SGCZ: variants seen among roughly 807,000 people sequenced by gnomAD.
SGCZ encodes the protein sarcoglycan zeta.
Under a neutral mutation model 41.3 loss-of-function variants are expected in SGCZ, and 40 were observed. The observed-to-expected ratio is 0.97, with a 90% CI of 0.75 to 1.26. SGCZ has a LOEUF of 1.26. Among genes scored for constraint, SGCZ ranks in the 50% most tolerant of loss-of-function variants. The pLI is 0.00. For synonymous variants in SGCZ, 206 were observed against 137.5 expected (o/e 1.50, Z -3.49); for missense variants, 552 against 369.8 (o/e 1.49, Z -4.04).
chr8:14,391,552 G>A (rs1804774835), intron 2 of SGCZ, among the ~76,000 whole-genome samples: 1 of 152,054 alleles, frequency 6.6e-6, no homozygotes, highest in Non-Finnish European at 1.5e-5. Flanking sequence ...TAGGAAGTGT[G>A]GCTAGAGGAG....
intron 2 of SGCZ, among the ~76,000 whole-genome samples, chr8:14,369,270 G>T (rs1272296493): frequency 1.3e-5 from 2 of 151,868 alleles, no homozygotes; most frequent in African/African-American, 4.8e-5. Flanking sequence ...TAATTGCCAT[G>T]TCTCTCCTTT....
intron 1 of SGCZ, among the ~76,000 whole-genome samples, chr8:15,023,867 C>T (rs1306370140): frequency 6.6e-6 from 1 of 152,132 alleles, no homozygotes; most frequent in East Asian, 1.9e-4. Flanking sequence ...TGACTGACTT[C>T]TTCTGTTTAT....
chr8:14,803,823 G>A (rs1405265735), intron 1 of SGCZ, among the ~76,000 whole-genome samples: 1 of 132,758 alleles, frequency 7.5e-6, no homozygotes, highest in East Asian at 2.4e-4. Context: ...AGACTTAAAT[G>A]TCCCTGTCTG....
chr8:14,151,961 G>T (rs1451242593), intron 5 of SGCZ, among the ~76,000 whole-genome samples: 1 of 151,968 alleles, frequency 6.6e-6, no homozygotes, highest in East Asian at 1.9e-4. Flanking sequence ...AGACTTTAAT[G>T]TAAAATATAA....
At chr8:14,998,873 G>C (rs148715789) in intron 1 of SGCZ, among the ~76,000 whole-genome samples, 1,590 of 152,252 alleles carry the variant, frequency 0.01, 31 homozygotes, top group African/African-American at 0.037. Flanking sequence ...CCTAGCTATT[G>C]ATATGGGTTA....
chr8:14,090,245 T>C lies in SGCZ; in HGVS notation c.*198A>G. Reference sequence around the variant, plus strand: ...CTGCTGACGACGCTTTTTCCACTGCTGTGTCAATCACACCCTCTGTGTTGA... The same window carrying C: ...CTGCTGACGACGCTTTTTCCACTGCCGTGTCAATCACACCCTCTGTGTTGA... On this transcript the variant is annotated 3_prime_UTR_variant, in exon 8 of 8. Transcript: ENST00000382080. 1 of 453,670 alleles carries C rather than the reference T, an allele frequency of 2.2e-6. No homozygotes were observed. The highest frequency in any genetic ancestry group is 3.8e-6 in the Non-Finnish European group (1 of 264,882). 28.1% of individuals were successfully genotyped at this position (453,670 alleles called of 1,614,324 possible). A position where few individuals can be genotyped will look rare whatever the true frequency, so the allele number is the denominator to read the frequency against.
At chr8:14,776,002 G>A (rs150812400) in intron 1 of SGCZ, among the ~76,000 whole-genome samples, 15 of 151,986 alleles carry the variant, frequency 9.9e-5, no homozygotes, top group South Asian at 2.1e-4. Flanking sequence ...ACACAGAAAC[G>A]TCATCACATG....
intron 4 of SGCZ, among the ~76,000 whole-genome samples, chr8:14,199,411 C>A (rs1805383183): frequency 1.3e-5 from 2 of 152,158 alleles, no homozygotes; most frequent in African/African-American, 4.8e-5. Context: ...CCCGAAACTT[C>A]ATTAGTAATT....
rs577876710 is a variant in SGCZ, at chr8:15,104,809, G to A, written c.39+132776C>T. 2.0e-5 allele frequency among the ~76,000 whole-genome samples: 3 copies of A among 152,152 alleles called. No individual in the cohort carries two copies. In the South Asian group the frequency reaches 6.2e-4, roughly 32 times the overall value. On this transcript the variant is annotated intron_variant, in intron 1 of 7. Transcript: ENST00000382080. Reference sequence around the variant, plus strand: ...TGGATGTATCATAAGCTTTTTAACTGTTACCCATTTACATGGTTTCATTTT... The same window carrying A: ...TGGATGTATCATAAGCTTTTTAACTATTACCCATTTACATGGTTTCATTTT...
chr8:15,105,590 T>C (rs553738289), intron 1 of SGCZ, among the ~76,000 whole-genome samples: 3 of 152,214 alleles, frequency 2.0e-5, no homozygotes, highest in Admixed American at 1.3e-4. Context: ...GTAGAAAGTC[T>C]GCCCCATGAT....
At chr8:15,212,712 A>C (rs1801273132) in intron 1 of SGCZ, among the ~76,000 whole-genome samples, 1 of 151,920 alleles carries the variant, frequency 6.6e-6, no homozygotes, top group African/African-American at 2.4e-5. Flanking sequence ...AAGTCCTTAG[A>C]GGTAAAGCAG....
intron 1 of SGCZ, among the ~76,000 whole-genome samples, chr8:14,845,757 C>T (rs978151611): frequency 2.0e-5 from 3 of 152,022 alleles, no homozygotes; most frequent in Admixed American, 6.5e-5. Flanking sequence ...AGTGAACTTA[C>T]AGGTGCAGTA....
rs537126122 is a variant in SGCZ at position 14,529,603 on chromosome 8, G to A, written c.234+25129C>T. Among the ~76,000 whole-genome samples, 3 of 152,206 alleles carry A rather than the reference G, an allele frequency of 2.0e-5. No individual in the cohort carries two copies. In the East Asian group the frequency reaches 5.8e-4, roughly 30 times the overall value. ...AAAGCATTTGGGTATGCAATGGAGA[G>A]GTTTTATGTTAATGTACCCATATTA... is the stretch of plus-strand genomic sequence containing the variant. On this transcript the variant is annotated intron_variant, in intron 2 of 7. Coordinates refer to ENST00000382080, the MANE Select transcript of SGCZ (RefSeq NM_139167.4).
At chr8:14,203,060 A>T (rs979597965) in intron 4 of SGCZ, among the ~76,000 whole-genome samples, 1 of 152,156 alleles carries the variant, frequency 6.6e-6, no homozygotes, top group Non-Finnish European at 1.5e-5. Context: ...TCCATGTAAG[A>T]TGTGACTTGC....
intron 2 of SGCZ, among the ~76,000 whole-genome samples, chr8:14,534,772 C>A (rs1454020551): frequency 2.0e-5 from 3 of 152,050 alleles, no homozygotes; most frequent in South Asian, 2.1e-4. Context: ...TTTTCAATAT[C>A]TGATGCACAT....
chr8:14,392,404 A>T (rs960860859), intron 2 of SGCZ, among the ~76,000 whole-genome samples: 3 of 152,184 alleles, frequency 2.0e-5, no homozygotes, highest in Non-Finnish European at 4.4e-5. Flanking sequence ...TGAACTGAGG[A>T]GCCCATGGTA....
chr8:15,099,911 G>A (rs999377444), intron 1 of SGCZ, among the ~76,000 whole-genome samples: 3 of 151,566 alleles, frequency 2.0e-5, no homozygotes, highest in African/African-American at 7.3e-5. Flanking sequence ...ATACTTTCAT[G>A]ATAAAAACTC....
chr8:14,421,106 T>C (rs11995020), intron 2 of SGCZ, among the ~76,000 whole-genome samples: 15,661 of 152,098 alleles, frequency 0.1, 2,394 homozygotes, highest in African/African-American at 0.33. Flanking sequence ...CAAGTGAAAA[T>C]CAAAATATGT....
intron 2 of SGCZ, among the ~76,000 whole-genome samples, chr8:14,525,557 C>G (rs1217304962): frequency 1.3e-5 from 2 of 152,066 alleles, no homozygotes; most frequent in African/African-American, 4.8e-5. Context: ...ATATATTTCT[C>G]ATTTGAGATC....
Sources: gnomAD v4.1 joint callset for allele counts (sites outside exome capture counted in the v4.1 genomes callset) on GRCh38, gnomAD v4.1.1 for gene constraint, MANE v1.5 for transcripts, NCBI Gene and HGNC (gene_info 2026-07-23, HGNC 2026-07-21) for gene names.